Variants in FOXP2 observed in about 807,000 individuals in gnomAD.
FOXP2 encodes forkhead box P2, also known as forkhead box protein P2.
A neutral mutation model predicts 115.8 loss-of-function variants in FOXP2; 12 were observed. The observed-to-expected ratio is 0.10, with a 90% CI of 0.07 to 0.17. The LOEUF is 0.17. FOXP2 is among the 10% of genes least tolerant of loss of function. FOXP2 has a pLI of 1.00. For synonymous variants in FOXP2, 328 were observed against 297.7 expected (o/e 1.10, Z -1.05); for missense variants, 629 against 843.5 (o/e 0.75, Z 3.15).
At chr7:114,316,835 A>AT (rs200233177) in intron 2 of FOXP2, among the ~76,000 whole-genome samples, 2,723 of 150,884 alleles carry the variant, frequency 0.018, 35 homozygotes, top group African/African-American at 0.037. Context: ...AAACTTTCTA[A>AT]TTTTTTTTTT....
intron 1 of FOXP2, among the ~76,000 whole-genome samples, chr7:114,425,108 A>G (rs2129204403): frequency 6.6e-6 from 1 of 151,744 alleles, no homozygotes; most frequent in African/African-American, 2.4e-5. Flanking sequence ...ATTTTAAAAG[A>G]TAACTGGGGA....
chr7:114,689,760 G>C (rs779981427), intron 16 of FOXP2, 22 bp from the exon 17 acceptor site: 1 of 1,612,398 alleles, frequency 6.2e-7, no homozygotes, highest in East Asian at 2.2e-5. Flanking sequence ...GTAAAATTTT[G>C]GTGTATCTAC....
chr7:114,540,684 A>G (rs552287084), intron 3 of FOXP2, among the ~76,000 whole-genome samples: 1 of 152,192 alleles, frequency 6.6e-6, no homozygotes, highest in South Asian at 2.1e-4. Context: ...GACTTTGTAG[A>G]GAAGGTAGCA....
In FOXP2 at chr7:114,642,555, A is replaced by G. The variant is rs1563054014; in HGVS notation, c.921A>G (p.Ala307=). 8.7e-6 allele frequency: 14 copies of G among 1,613,754 alleles called. 1 individual carries two copies. In the African/African-American group the frequency reaches 1.3e-4, roughly 15 times the overall value. ...CTACCTCCTCCAACACTTCCAAAGC[A>G]TCACCACCAATAACTCATCATTCCA... is the stretch of plus-strand genomic sequence containing the variant. ...SSTTSSNTSK[A]SPPITHHSIV... is the part of the protein sequence containing the mutation. The change falls in exon 7 of 17, where the codon GCA becomes GCG. Residue 307 remains alanine, a synonymous_variant. Transcript: ENST00000350908.
chr7:114,185,144 A>G (rs950352352), intron 1 of FOXP2, among the ~76,000 whole-genome samples: 5 of 152,220 alleles, frequency 3.3e-5, no homozygotes, highest in Non-Finnish European at 7.3e-5. Flanking sequence ...CTTAATGCTT[A>G]CAGTATATAT....
chr7:114,300,761 T>C (rs560218697), intron 2 of FOXP2, among the ~76,000 whole-genome samples: 1 of 152,126 alleles, frequency 6.6e-6, no homozygotes, highest in Admixed American at 6.5e-5. Flanking sequence ...GGAAAGTTTT[T>C]TTTCATTGGT....
intron 10 of FOXP2, among the ~76,000 whole-genome samples, chr7:114,657,460 A>C (rs919407625): frequency 1.4e-4 from 22 of 152,152 alleles, no homozygotes; most frequent in Non-Finnish European, 1.3e-4. Context: ...CTCCATCTCC[A>C]ATCAGATTTA....
At chr7:114,664,720 A>G (rs1585008063) in intron 16 of FOXP2, 2 of 433,922 alleles carry the variant, frequency 4.6e-6, no homozygotes, top group Non-Finnish European at 4.3e-6. Flanking sequence ...AGATGAATCT[A>G]CATCTTATGG....
intron 2 of FOXP2, among the ~76,000 whole-genome samples, chr7:114,474,910 G>A (rs1005515512): frequency 6.6e-6 from 1 of 151,794 alleles, no homozygotes; most frequent in Admixed American, 6.6e-5. Context: ...ATTGTTTTAT[G>A]GGCATAGAGA....
At chr7:114,449,780 T>G (rs1794992742) in intron 2 of FOXP2, among the ~76,000 whole-genome samples, 1 of 152,122 alleles carries the variant, frequency 6.6e-6, no homozygotes. Flanking sequence ...ACCTTTGAAA[T>G]TGCTATATGC....
At chr7:114,335,346 A>G (rs906674914) in intron 2 of FOXP2, among the ~76,000 whole-genome samples, 1 of 151,914 alleles carries the variant, frequency 6.6e-6, no homozygotes, top group Admixed American at 6.6e-5. Flanking sequence ...TAGATTTTTC[A>G]CAAAATGTTT....
At chr7:114,256,835 A>G (rs1012850799) in intron 1 of FOXP2, among the ~76,000 whole-genome samples, 1 of 152,236 alleles carries the variant, frequency 6.6e-6, no homozygotes, top group Non-Finnish European at 1.5e-5. Flanking sequence ...GCTCATGGAT[A>G]GAAAGAATCA....
intron 2 of FOXP2, among the ~76,000 whole-genome samples, chr7:114,398,078 A>C (rs1792788009): frequency 6.6e-6 from 1 of 152,198 alleles, no homozygotes; most frequent in Non-Finnish European, 1.5e-5. Flanking sequence ...AGAAGGAGTT[A>C]TAATGGATAT....
intron 2 of FOXP2, among the ~76,000 whole-genome samples, chr7:114,292,159 A>T (rs1235018572): frequency 1.3e-5 from 2 of 151,504 alleles, no homozygotes; most frequent in Non-Finnish European, 2.9e-5. Flanking sequence ...GAATCAAGTC[A>T]CAGGTCCTGC....
intron 1 of FOXP2, among the ~76,000 whole-genome samples, chr7:114,194,693 G>T (rs992012226): frequency 6.6e-6 from 1 of 151,708 alleles, no homozygotes. Context: ...TAATTGATTT[G>T]CAGATACATA....
chr7:114,393,116 A>T (rs1008773688), intron 2 of FOXP2, among the ~76,000 whole-genome samples: 3 of 152,138 alleles, frequency 2.0e-5, no homozygotes, highest in African/African-American at 7.2e-5. Context: ...AAGTACATAG[A>T]ATATCAGGGT....
rs1192272024 is a variant in FOXP2 at position 114,535,524 on chromosome 7, TAACAAAAAA to T, written c.258+826_258+834del. Among the ~76,000 whole-genome samples the T allele has an allele frequency of 3.3e-5, 5 of 151,640 alleles. No homozygotes were observed. The Admixed American group carries it at 3.3e-4, about 10-fold the overall frequency. On this transcript the variant is annotated intron_variant, in intron 3 of 16. Transcript: ENST00000350908. ...AGTTTTTTAACATCTCTTGTGGCTT[TAACAAAAAA>T]AACAAAACAAAACAATTTTTTATGG...
At chr7:114,594,066 T>C (rs1233031175) in intron 3 of FOXP2, among the ~76,000 whole-genome samples, 1 of 151,982 alleles carries the variant, frequency 6.6e-6, no homozygotes, top group Non-Finnish European at 1.5e-5. Context: ...TAAATATGCA[T>C]ACATTTCAAA....
intron 1 of FOXP2, among the ~76,000 whole-genome samples, chr7:114,198,252 A>G (rs982065235): frequency 2.0e-5 from 3 of 151,962 alleles, no homozygotes; most frequent in Non-Finnish European, 2.9e-5. Context: ...GCATTCAAAC[A>G]CTCTACTGAT....
Sources: allele counts gnomAD v4.1 joint callset (sites outside exome capture counted in the v4.1 genomes callset), GRCh38; gene constraint gnomAD v4.1.1; transcripts MANE v1.5; gene names NCBI Gene and HGNC (gene_info 2026-07-23, HGNC 2026-07-21).